The following BMPR1B variants were observed in gnomAD, a reference collection of about 807,000 sequenced individuals.
BMPR1B encodes the protein bone morphogenetic protein receptor type-1B.
A neutral mutation model predicts 59.1 loss-of-function variants in BMPR1B; 12 were observed. The ratio of observed to expected loss-of-function variants is 0.20; its 90% confidence interval spans 0.13 to 0.33. BMPR1B has a LOEUF of 0.33. BMPR1B is among the 10% of genes least tolerant of loss of function. BMPR1B has a pLI of 1.00. For synonymous variants in BMPR1B, 237 were observed against 207.3 expected (o/e 1.14, Z -1.23); for missense variants, 550 against 610.9 (o/e 0.90, Z 1.05).
chr4:95,103,800 G>A (rs1730989983), intron 3 of BMPR1B, among the ~76,000 whole-genome samples: 1 of 152,068 alleles, frequency 6.6e-6, no homozygotes, highest in Non-Finnish European at 1.5e-5. Flanking sequence ...CCATGCTGAT[G>A]GGGAAGATGT....
rs370226618 is a variant in BMPR1B at position 94,826,413 on chromosome 4, A to C, written c.-182-49418A>C. The stretch of plus-strand genomic sequence containing the variant: ...CTCGGGCTGGACTGCTTCCAGGTTC[A>C]CTTCCTGCTCCCTTTGTTCTCTTTT... On this transcript the variant is annotated intron_variant, in intron 1 of 12. Transcript: ENST00000515059. Among the ~76,000 whole-genome samples, 77 of 152,256 alleles carry C rather than the reference A, an allele frequency of 5.1e-4. 2 individuals carry two copies. In the South Asian group the frequency reaches 0.015, roughly 29 times the overall value.
intron 3 of BMPR1B, among the ~76,000 whole-genome samples, chr4:95,021,067 A>G (rs1723947274): frequency 1.3e-5 from 2 of 152,204 alleles, no homozygotes; most frequent in Non-Finnish European, 2.9e-5. Context: ...TATGAAGAAA[A>G]TACGCTGAAA....
intron 1 of BMPR1B, among the ~76,000 whole-genome samples, chr4:94,780,541 T>G (rs1389966062): frequency 6.6e-6 from 1 of 151,970 alleles, no homozygotes; most frequent in Non-Finnish European, 1.5e-5. Flanking sequence ...TACCTAGGAG[T>G]GGAGTTGGTG....
intron 1 of BMPR1B, among the ~76,000 whole-genome samples, chr4:94,829,926 C>A (rs993869061): frequency 7.9e-5 from 12 of 152,230 alleles, no homozygotes; most frequent in African/African-American, 2.4e-4. Flanking sequence ...TCTCTTTGAG[C>A]AGTAGGCAGT....
intron 1 of BMPR1B, among the ~76,000 whole-genome samples, chr4:94,851,015 T>C (rs1490410878): frequency 1.3e-5 from 2 of 151,614 alleles, no homozygotes; most frequent in Non-Finnish European, 2.9e-5. Flanking sequence ...ATTAGATAAA[T>C]AAACAGATAC....
At chr4:95,077,903 A>G (rs1034232518) in intron 3 of BMPR1B, among the ~76,000 whole-genome samples, 2 of 152,214 alleles carry the variant, frequency 1.3e-5, no homozygotes, top group Non-Finnish European at 2.9e-5. Flanking sequence ...AATAGCTTAT[A>G]AAGTGAATTG....
chr4:95,064,033 T>A (rs1727613923), intron 3 of BMPR1B, among the ~76,000 whole-genome samples: 1 of 152,146 alleles, frequency 6.6e-6, no homozygotes, highest in Non-Finnish European at 1.5e-5. Flanking sequence ...TAACCACTGT[T>A]AGTTGGAGTA....
Position 95,116,421 on chromosome 4 carries a change from G to GCGCGCACACACA in BMPR1B, c.349+635_349+636insGCGCACACACAC. On this transcript the variant is annotated intron_variant, in intron 6 of 12. Coordinates refer to ENST00000515059, the MANE Select transcript of BMPR1B (RefSeq NM_001203.3). ...CTCCTCCTCCATGCTTTCAGCGCGC[G>GCGCGCACACACA]CACACACACACACACACACACACAC... Among the ~76,000 whole-genome samples, 61 of 123,242 alleles carry GCGCGCACACACA rather than the reference G, an allele frequency of 4.9e-4. 1 individual carries two copies. The highest frequency in any genetic ancestry group is 1.9e-3 in the African/African-American group (53 of 27,850). 80.9% of individuals were successfully genotyped at this position (123,242 alleles called of 152,430 possible). A position where few individuals can be genotyped will look rare whatever the true frequency, so the allele number is the denominator to read the frequency against.
chr4:94,999,017 C>T (rs1463281524), intron 3 of BMPR1B, among the ~76,000 whole-genome samples: 1 of 152,154 alleles, frequency 6.6e-6, no homozygotes, highest in Non-Finnish European at 1.5e-5. Context: ...TTTTCCCAAT[C>T]TTTGCCTTCT....
chr4:94,903,914 A>T (rs550699108), intron 2 of BMPR1B, among the ~76,000 whole-genome samples: 67 of 152,144 alleles, frequency 4.4e-4, no homozygotes, highest in Non-Finnish European at 8.1e-4. Flanking sequence ...GAGCAAATAA[A>T]TTGCTGTTCT....
At chr4:94,764,518 A>G (rs570532185) in intron 1 of BMPR1B, among the ~76,000 whole-genome samples, 1 of 152,246 alleles carries the variant, frequency 6.6e-6, no homozygotes, top group Admixed American at 6.5e-5. Context: ...TTGTCTGTTT[A>G]TAAATAAATT....
Position 95,130,012 on chromosome 4 carries a change from G to A in BMPR1B, c.736G>A (p.Glu246Lys), listed in dbSNP as rs369168607. The change falls in exon 9 of 13, where the codon GAA (glutamate) becomes AAA (lysine). Residue 246 changes from glutamate (E) to lysine (K), a missense_variant. This residue lies in a region of BMPR1B where 318 missense variants were observed against 284.6 expected (regional missense o/e 1.12). Transcript: ENST00000515059. Reference protein sequence around the residue: ...TEEASWFRETEIYQTVLMRHE... With the variant: ...TEEASWFRETKIYQTVLMRHE... ...GGAAGCCAGCTGGTTCAGAGAGACA[G>A]AAATATATCAGACAGTGTTGATGAG... 1.4e-5 allele frequency: 22 copies of A among 1,613,858 alleles called. No individual in the cohort carries two copies. The highest frequency in any genetic ancestry group is 9.9e-5 in the South Asian group (9 of 91,096).
Position 95,156,784 on chromosome 4 carries a change from C to A in BMPR1B, c.*2111C>A, listed in dbSNP as rs1735456798. The A allele has an allele frequency of 6.6e-6, 1 of 152,070 alleles. No individual in the cohort carries two copies. The highest frequency in any genetic ancestry group is 1.5e-5 in the Non-Finnish European group (1 of 67,980). 9.4% of individuals were successfully genotyped at this position (152,070 alleles called of 1,614,324 possible). Reference sequence around the variant, plus strand: ...ATGTAAAGGTTCCTTTCTCTTGTGTCAGTTATATTCTTAGGGATAGCCTAG... The same window carrying A: ...ATGTAAAGGTTCCTTTCTCTTGTGTAAGTTATATTCTTAGGGATAGCCTAG... On this transcript the variant is annotated 3_prime_UTR_variant, in exon 13 of 13. Coordinates refer to ENST00000515059, the MANE Select transcript of BMPR1B (RefSeq NM_001203.3).
At chr4:94,968,739 T>C (rs573772362) in intron 2 of BMPR1B, among the ~76,000 whole-genome samples, 26 of 152,334 alleles carry the variant, frequency 1.7e-4, no homozygotes, top group South Asian at 1.0e-3. Flanking sequence ...TTTCAGGTCG[T>C]GGTGAGTGAG....
intron 2 of BMPR1B, among the ~76,000 whole-genome samples, chr4:94,965,698 A>G (rs1274023823): frequency 6.6e-6 from 1 of 152,200 alleles, no homozygotes; most frequent in Admixed American, 6.5e-5. Context: ...AGTACACTGA[A>G]GAAGTGTTCT....
intron 1 of BMPR1B, among the ~76,000 whole-genome samples, chr4:94,796,825 C>T (rs1014863712): frequency 5.3e-5 from 8 of 151,928 alleles, no homozygotes; most frequent in Admixed American, 1.3e-4. Flanking sequence ...AAAATAAGCT[C>T]GAAGATAATT....
At chr4:94,930,724 G>T (rs1223920985) in intron 2 of BMPR1B, among the ~76,000 whole-genome samples, 2 of 152,070 alleles carry the variant, frequency 1.3e-5, no homozygotes, top group Non-Finnish European at 2.9e-5. Context: ...AGTGTGGAAT[G>T]AGCTATTAAA....
At chr4:94,967,170 C>A (rs1192756822) in intron 2 of BMPR1B, among the ~76,000 whole-genome samples, 1 of 152,064 alleles carries the variant, frequency 6.6e-6, no homozygotes, top group Non-Finnish European at 1.5e-5. Context: ...GGATAGTTTC[C>A]TCACATATTT....
chr4:94,939,074 C>T (rs1015020349), intron 2 of BMPR1B, among the ~76,000 whole-genome samples: 33 of 152,038 alleles, frequency 2.2e-4, no homozygotes, highest in African/African-American at 4.3e-4. Flanking sequence ...ATCTGAACTC[C>T]GAGCCTCTAT....
Sources: gnomAD v4.1 joint callset for allele counts (sites outside exome capture counted in the v4.1 genomes callset) on GRCh38, gnomAD v4.1.1 for gene constraint, gnomAD v4.1.1 regional missense constraint, MANE v1.5 for transcripts, NCBI Gene and HGNC (gene_info 2026-07-23, HGNC 2026-07-21) for gene names.